Variants in ZNF385D observed in about 807,000 individuals in gnomAD.
The protein encoded by ZNF385D is zinc finger protein 659.
In ZNF385D, 15 loss-of-function variants were observed where a neutral mutation model predicts 35.8. That is an observed-to-expected ratio of 0.42 (90% CI 0.28 to 0.64). ZNF385D has a LOEUF of 0.64. Ranked by LOEUF, ZNF385D falls within the 30% of genes least tolerant of loss-of-function variation. The probability of loss-of-function intolerance (pLI) is 0.23; values close to 1 mark genes in which losing one functional copy is unlikely to be tolerated. For missense variants in ZNF385D, 474 were observed against 494.6 expected, an observed-to-expected ratio of 0.96 and a Z score of 0.39; for synonymous variants, 212 against 186.8, an observed-to-expected ratio of 1.13 and a Z score of -1.10.
chr3:21,842,926 G>C (rs964080807), intron 3 of ZNF385D, among the ~76,000 whole-genome samples: 2 of 152,042 alleles, frequency 1.3e-5, no homozygotes, highest in Admixed American at 1.3e-4. Flanking sequence ...GCGCACTTCT[G>C]AAAATCTATT....
intron 1 of ZNF385D, among the ~76,000 whole-genome samples, chr3:21,714,717 C>T (rs562330168): frequency 6.6e-6 from 1 of 152,290 alleles, no homozygotes; most frequent in East Asian, 1.9e-4. Flanking sequence ...TATCCATCTC[C>T]AGCTAACACT....
intron 3 of ZNF385D, among the ~76,000 whole-genome samples, chr3:22,004,144 C>A (rs900164690): frequency 3.9e-5 from 6 of 152,094 alleles, no homozygotes; most frequent in African/African-American, 1.4e-4. Context: ...AATAAATCCA[C>A]ATATTTATAG....
chr3:21,796,244 C>G (rs1191743405), intron 3 of ZNF385D, among the ~76,000 whole-genome samples: 1 of 152,148 alleles, frequency 6.6e-6, no homozygotes. Flanking sequence ...CACAAGCTAC[C>G]ACACATCTAG....
At chr3:21,900,672 A>G (rs966386092) in intron 3 of ZNF385D, among the ~76,000 whole-genome samples, 1 of 152,182 alleles carries the variant, frequency 6.6e-6, no homozygotes, top group Non-Finnish European at 1.5e-5. Context: ...AATTGAAAAA[A>G]TAAAAATAGT....
In ZNF385D at chr3:22,246,010, C is replaced by T. The variant is rs377186635; in HGVS notation, c.107-76975G>A. On this transcript the variant is annotated intron_variant, in intron 2 of 5. Coordinates refer to the ZNF385D transcript ENST00000494108. ...CTCAGTGACAGTGCCACGAAGCCAG[C>T]CTACTACCACTTTTGCTTTCTAGAC... Among the ~76,000 whole-genome samples, 179 of 152,196 alleles carry T rather than the reference C, an allele frequency of 1.2e-3. 1 individual carries two copies. Among genetic ancestry groups the T allele is most frequent in the African/African-American group, 3.4e-3 (143 of 41,542 alleles).
At chr3:21,559,918 T>A (rs1175206945) in intron 3 of ZNF385D, among the ~76,000 whole-genome samples, 1 of 152,206 alleles carries the variant, frequency 6.6e-6, no homozygotes. Flanking sequence ...ATCTTCAAGC[T>A]CTGATATCCT....
At chr3:21,959,939 G>T (rs936027366) in intron 3 of ZNF385D, among the ~76,000 whole-genome samples, 31 of 149,628 alleles carry the variant, frequency 2.1e-4, no homozygotes, top group African/African-American at 7.7e-4. Flanking sequence ...CTATAAAACT[G>T]CTAAAAGAAA....
At chr3:21,846,963 G>C (rs772885023) in intron 3 of ZNF385D, among the ~76,000 whole-genome samples, 1 of 151,974 alleles carries the variant, frequency 6.6e-6, no homozygotes, top group African/African-American at 2.4e-5. Flanking sequence ...GCATAAAAAG[G>C]TCATGTAACT....
At chr3:21,974,618 A>C (rs1459141374) in intron 3 of ZNF385D, among the ~76,000 whole-genome samples, 1 of 152,166 alleles carries the variant, frequency 6.6e-6, no homozygotes, top group African/African-American at 2.4e-5. Flanking sequence ...GGATACAATC[A>C]ACAAATTGAA....
At chr3:21,988,516 G>A (rs1433275979) in intron 3 of ZNF385D, among the ~76,000 whole-genome samples, 21 of 144,982 alleles carry the variant, frequency 1.4e-4, no homozygotes, top group African/African-American at 4.9e-4. Context: ...TGAGGAGGCA[G>A]TCTGCCCGTT....
chr3:21,869,739 C>T (rs185923510), intron 3 of ZNF385D, among the ~76,000 whole-genome samples: 2 of 152,016 alleles, frequency 1.3e-5, no homozygotes, highest in African/African-American at 2.4e-5. Context: ...TTAATGCCAC[C>T]TATTTGGAGT....
chr3:21,964,484 T>C (rs371524674), intron 3 of ZNF385D, among the ~76,000 whole-genome samples: 11,815 of 100,640 alleles, frequency 0.12, 812 homozygotes, highest in South Asian at 0.29. Context: ...TTTTTTTTTT[T>C]TTTTTTTTTT....
chr3:22,105,121 A>G (rs1351135280), intron 3 of ZNF385D, among the ~76,000 whole-genome samples: 2 of 152,134 alleles, frequency 1.3e-5, no homozygotes, highest in African/African-American at 2.4e-5. Context: ...TTACAGTCTA[A>G]TGTACTTATC....
At chr3:21,727,734 A>G (rs968355603) in intron 1 of ZNF385D, among the ~76,000 whole-genome samples, 1 of 152,228 alleles carries the variant, frequency 6.6e-6, no homozygotes, top group Non-Finnish European at 1.5e-5. Flanking sequence ...AATTAGTTCA[A>G]CCACTGTGGA....
At chr3:21,904,025 T>A (rs537566484) in intron 3 of ZNF385D, among the ~76,000 whole-genome samples, 2 of 152,092 alleles carry the variant, frequency 1.3e-5, no homozygotes, top group East Asian at 3.9e-4. Context: ...TAATTGGTGG[T>A]CAGGCATGGT....
chr3:21,477,095 G>C (rs1704298759), intron 4 of ZNF385D, among the ~76,000 whole-genome samples: 1 of 152,150 alleles, frequency 6.6e-6, no homozygotes, highest in African/African-American at 2.4e-5. Context: ...CGCCACTCCA[G>C]TGGACCCCTT....
At chr3:21,674,004 A>G (rs1471766098) in intron 1 of ZNF385D, among the ~76,000 whole-genome samples, 1 of 152,140 alleles carries the variant, frequency 6.6e-6, no homozygotes, top group Non-Finnish European at 1.5e-5. Flanking sequence ...CTTTAAAAAG[A>G]AAAAATAATG....
chr3:21,758,974 G>GAAAAA (rs1384844642), intron 3 of ZNF385D, among the ~76,000 whole-genome samples: 1 of 14,158 alleles, frequency 7.1e-5, no homozygotes, highest in Non-Finnish European at 1.1e-4. Flanking sequence ...ATCATCACTG[G>GAAAAA]CAAAAAAAAA....
At position 21,539,666 on chromosome 3, in the gene ZNF385D, A is replaced by T. The variant is rs185042614; in HGVS notation, c.276+24908T>A. On this transcript the variant is annotated intron_variant, in intron 3 of 7. Coordinates refer to ENST00000281523, the MANE Select transcript of ZNF385D (RefSeq NM_024697.3). The surrounding 1 kb of genome is among the most constrained non-coding windows in gnomAD (Gnocchi z 4.0). Reference sequence around the variant, plus strand: ...GAGAAAAATAGTTTCTTTATGGAATACACAAAGAATATATTAAATGTTTTT... The same window carrying T: ...GAGAAAAATAGTTTCTTTATGGAATTCACAAAGAATATATTAAATGTTTTT... 5.9e-4 allele frequency among the ~76,000 whole-genome samples: 90 copies of T among 152,246 alleles called. No individual in the cohort carries two copies. The East Asian group carries it at 0.014, about 23-fold the overall frequency.
Sources: allele counts gnomAD v4.1 joint callset (sites outside exome capture counted in the v4.1 genomes callset), GRCh38; gene constraint gnomAD v4.1.1; non-coding constraint Gnocchi (gnomAD v3.1); transcripts MANE v1.5; gene names NCBI Gene and HGNC (gene_info 2026-07-23, HGNC 2026-07-21).